NBAS: variants seen among roughly 807,000 people sequenced by gnomAD.
The protein encoded by NBAS is NAG/BC035112 fusion.
NBAS carries 219 observed loss-of-function variants against 302.5 expected under a neutral mutation model. The observed-to-expected ratio is 0.72, with a 90% CI of 0.65 to 0.81. NBAS has a LOEUF of 0.81. Among genes scored for constraint, NBAS ranks in the 30% least tolerant of loss-of-function variants. NBAS has a pLI of 0.00. For synonymous variants in NBAS, 1,118 were observed against 1,021.6 expected (o/e 1.09, Z -1.80); for missense variants, 2,932 against 2,841.6 (o/e 1.03, Z -0.72).
At chr2:15,148,541 G>C in the NBAS span, among the ~76,000 whole-genome samples, 2 of 152,120 alleles carry the variant, frequency 1.3e-5, no homozygotes, top group African/African-American at 4.8e-5. Context: ...TCTAGGAATG[G>C]GAATATGCTC....
chr2:14,941,479 C>T, the NBAS span, among the ~76,000 whole-genome samples: 1 of 152,212 alleles, frequency 6.6e-6, no homozygotes, highest in South Asian at 2.1e-4. Context: ...ATCCTGGAAG[C>T]TTCAAACGCA....
At chr2:15,551,933 T>C (rs2148709951) in intron 5 of NBAS, among the ~76,000 whole-genome samples, 2 of 152,334 alleles carry the variant, frequency 1.3e-5, no homozygotes, top group South Asian at 4.1e-4. Context: ...CTGTATCATA[T>C]TACAAAGTTT....
the NBAS span, among the ~76,000 whole-genome samples, chr2:14,942,815 A>G: frequency 6.6e-6 from 1 of 152,206 alleles, no homozygotes; most frequent in African/African-American, 2.4e-5. Flanking sequence ...CTGAGTCTCA[A>G]TCTGTAGAGA....
At chr2:15,486,331 T>C (rs886227575) in intron 12 of NBAS, among the ~76,000 whole-genome samples, 5 of 152,140 alleles carry the variant, frequency 3.3e-5, no homozygotes, top group African/African-American at 1.2e-4. Flanking sequence ...TGACATATAA[T>C]CCTAAAAATG....
the NBAS span, among the ~76,000 whole-genome samples, chr2:15,143,133 C>T: frequency 6.6e-6 from 1 of 152,226 alleles, no homozygotes; most frequent in Non-Finnish European, 1.5e-5. Context: ...CTACTGTTAT[C>T]ATTTACCCCT....
chr2:15,144,501 CG>C, the NBAS span, among the ~76,000 whole-genome samples: 1 of 152,200 alleles, frequency 6.6e-6, no homozygotes, highest in Admixed American at 6.5e-5. Flanking sequence ...AACTTCTCTG[CG>C]TGAGGCACTT....
In NBAS at chr2:15,424,466, A is replaced by T. The variant is rs1677367666; in HGVS notation, c.2426T>A (p.Met809Lys). The T allele has an allele frequency of 2.5e-6, 4 of 1,614,112 alleles. No individual in the cohort carries two copies. The highest frequency in any genetic ancestry group is 2.5e-6 in the Non-Finnish European group (3 of 1,179,948). The stretch of plus-strand genomic sequence containing the variant: ...ATCTTGGAGATTCGGCTCAACAACC[A>T]TTCTGTGAAGCACAAAAGGACCAAT... ...KDWCEELACR[M>K]VVEPNLQDES... Residue 809 changes from methionine to lysine, a missense_variant and splice_region_variant, in exon 23 of 52, where the codon ATG (methionine) becomes AAG (lysine). Physicochemically the swap from Met to Lys is moderately conservative, Grantham distance 95. Coordinates refer to ENST00000281513, the MANE Select transcript of NBAS (RefSeq NM_015909.4).
intron 51 of NBAS, among the ~76,000 whole-genome samples, chr2:15,167,544 A>T (rs550150110): frequency 6.6e-6 from 1 of 152,346 alleles, no homozygotes; most frequent in East Asian, 1.9e-4. Flanking sequence ...CACTGCAATC[A>T]TCACTACAGC....
the NBAS span, among the ~76,000 whole-genome samples, chr2:14,914,564 GA>G: frequency 1.3e-3 from 200 of 152,328 alleles, no homozygotes; most frequent in African/African-American, 4.6e-3. Context: ...TTAGCTAGGG[GA>G]CATTATTTGC....
chr2:15,014,066 A>G, the NBAS span, among the ~76,000 whole-genome samples: 1 of 152,188 alleles, frequency 6.6e-6, no homozygotes, highest in Non-Finnish European at 1.5e-5. Flanking sequence ...ATGACATTAT[A>G]TAGGAATAAA....
the NBAS span, among the ~76,000 whole-genome samples, chr2:14,963,051 C>T: frequency 2.0e-5 from 3 of 152,036 alleles, no homozygotes; most frequent in African/African-American, 7.2e-5. Flanking sequence ...GGTGAATTAT[C>T]TGAGGCCGGG....
intron 28 of NBAS, among the ~76,000 whole-genome samples, chr2:15,388,664 A>G (rs1208437640): frequency 1.3e-5 from 2 of 152,212 alleles, no homozygotes; most frequent in African/African-American, 4.8e-5. Flanking sequence ...AAATATGTAC[A>G]CCAGAAGACA....
intron 48 of NBAS, among the ~76,000 whole-genome samples, chr2:15,214,838 G>A (rs926681917): frequency 2.0e-5 from 3 of 152,154 alleles, no homozygotes; most frequent in African/African-American, 7.2e-5. Flanking sequence ...ACATTTCAAA[G>A]TAGGCAAAAT....
chr2:15,075,948 C>T, the NBAS span, among the ~76,000 whole-genome samples: 7 of 152,252 alleles, frequency 4.6e-5, no homozygotes, highest in South Asian at 2.1e-4. Context: ...AAAATGAACA[C>T]GTTTTTACTT....
At chr2:15,318,524 T>C (rs185317694) in intron 38 of NBAS, among the ~76,000 whole-genome samples, 2 of 152,198 alleles carry the variant, frequency 1.3e-5, no homozygotes, top group South Asian at 2.1e-4. Context: ...GAGTCATACA[T>C]AGCCTCAAAA....
the NBAS span, among the ~76,000 whole-genome samples, chr2:15,129,796 T>C: frequency 1.3e-5 from 2 of 152,226 alleles, no homozygotes; most frequent in Non-Finnish European, 2.9e-5. Context: ...TCAGCAGCTC[T>C]TTGAATGCAG....
chr2:14,994,175 C>T, the NBAS span, among the ~76,000 whole-genome samples: 1 of 152,190 alleles, frequency 6.6e-6, no homozygotes, highest in African/African-American at 2.4e-5. Flanking sequence ...TCATTCATAA[C>T]ATGTGCTCAA....
chr2:15,407,809 T>C (rs1676490882), intron 25 of NBAS, among the ~76,000 whole-genome samples: 1 of 152,210 alleles, frequency 6.6e-6, no homozygotes, highest in South Asian at 2.1e-4. Flanking sequence ...ATTTATCCTC[T>C]TACAGTTCTG....
chr2:15,098,425 A>G, the NBAS span, among the ~76,000 whole-genome samples: 12 of 80,860 alleles, frequency 1.5e-4, no homozygotes, highest in African/African-American at 1.7e-4. Flanking sequence ...ATTGTATATT[A>G]TATATTATAT....
Sources: allele counts gnomAD v4.1 joint callset (sites outside exome capture counted in the v4.1 genomes callset), GRCh38; gene constraint gnomAD v4.1.1; transcripts MANE v1.5; gene names NCBI Gene and HGNC (gene_info 2026-07-23, HGNC 2026-07-21).